Variants in IGSF10 observed in about 807,000 individuals in gnomAD.
The protein encoded by IGSF10 is immunoglobulin superfamily member 10.
Under a neutral mutation model 128.2 loss-of-function variants are expected in IGSF10, and 126 were observed. The observed-to-expected ratio is 0.98, with a 90% CI of 0.85 to 1.14. IGSF10 has a LOEUF of 1.14. IGSF10 is among the 50% of genes most tolerant of loss of function. The pLI, the probability that IGSF10 is intolerant of heterozygous loss-of-function variation, is 0.00. For missense variants in IGSF10, 3,295 were observed against 3,149.8 expected, an observed-to-expected ratio of 1.05 and a Z score of -1.10; for synonymous variants, 1,185 against 1,146.2, an observed-to-expected ratio of 1.03 and a Z score of -0.68.
In IGSF10 at chr3:151,448,290, T is replaced by G. The variant is rs369659044; in HGVS notation, c.1691A>C (p.Tyr564Ser). 6.2e-6 allele frequency: 10 copies of G among 1,614,140 alleles called. No individual in the cohort carries two copies. Among genetic ancestry groups the G allele is most frequent in the Non-Finnish European group, 8.5e-6 (10 of 1,180,050 alleles). Residue 564 changes from tyrosine to serine, a missense_variant, in exon 6 of 8, where the codon TAT becomes TCT. Tyr to Ser is a moderately radical substitution (Grantham distance 144). Transcript: ENST00000282466. Reference sequence around the variant, plus strand: ...CAAAGGTTCTACCACAGTTATCCTATAGGTGAGAATATCTGCATCATCATA... The same window carrying G: ...CAAAGGTTCTACCACAGTTATCCTAGAGGTGAGAATATCTGCATCATCATA... The part of the protein sequence containing the change: ...SNYDDADILT[Y>S]RITVVEPLVE...
chr3:151,607,868 G>A, the IGSF10 span, among the ~76,000 whole-genome samples: 6 of 138,330 alleles, frequency 4.3e-5, no homozygotes, highest in East Asian at 4.3e-4. Flanking sequence ...CTGAGATTGC[G>A]CCACTGCACT....
chr3:151,451,372 A>G (rs889819599), intron 5 of IGSF10, among the ~76,000 whole-genome samples: 7 of 151,976 alleles, frequency 4.6e-5, no homozygotes, highest in African/African-American at 1.5e-4. Flanking sequence ...CTACTTTTTC[A>G]TTATTCACTA....
Position 151,437,718 on chromosome 3 carries a change from G to A in IGSF10, c.6843C>T (p.Leu2281=). The change falls in exon 8 of 8, where the codon CTC becomes CTT. Residue 2281 remains leucine, a synonymous_variant. Transcript: ENST00000282466. The stretch of plus-strand genomic sequence containing the variant: ...TTCTGCTTCCATAGTATGGGGCTGT[G>A]AGGAAAATATTGTCTGGCATGATCC... ...VMWIMPDNIF[L]TAPYYGSRIT... is the part of the protein sequence containing the mutation. 1.2e-6 allele frequency: 2 copies of A among 1,614,116 alleles called. No homozygotes were observed. The highest frequency in any genetic ancestry group is 1.7e-6 in the Non-Finnish European group (2 of 1,180,032).
chr3:151,523,454 T>C, the IGSF10 span, among the ~76,000 whole-genome samples: 10 of 152,108 alleles, frequency 6.6e-5, no homozygotes, highest in Admixed American at 6.6e-4. Flanking sequence ...AGCATAGTAC[T>C]GGTACAAAAA....
chr3:151,497,971 CTCTG>C, the IGSF10 span, among the ~76,000 whole-genome samples: 83 of 151,938 alleles, frequency 5.5e-4, no homozygotes, highest in African/African-American at 1.9e-3. Context: ...TGATTTGGCT[CTCTG>C]TCTGTTATTG....
chr3:151,459,246 G>T (rs572886172), intron 2 of IGSF10, among the ~76,000 whole-genome samples: 1 of 152,190 alleles, frequency 6.6e-6, no homozygotes, highest in South Asian at 2.1e-4. Flanking sequence ...TCTATTGTGT[G>T]TATATGTATA....
At chr3:151,619,903 C>T in the IGSF10 span, among the ~76,000 whole-genome samples, 1 of 152,156 alleles carries the variant, frequency 6.6e-6, no homozygotes, top group Non-Finnish European at 1.5e-5. Flanking sequence ...TAAGTTCCCT[C>T]ACCATGGGAT....
the IGSF10 span, among the ~76,000 whole-genome samples, chr3:151,612,615 T>G: frequency 4.6e-5 from 7 of 152,174 alleles, no homozygotes; most frequent in African/African-American, 1.7e-4. Context: ...TAGCTGATAA[T>G]TCAATTAAAA....
At chr3:151,486,857 C>A in the IGSF10 span, among the ~76,000 whole-genome samples, 5 of 152,170 alleles carry the variant, frequency 3.3e-5, no homozygotes, top group Non-Finnish European at 7.4e-5. Flanking sequence ...AAATTTATAG[C>A]ACTAAATGCC....
chr3:151,503,777 GT>G, the IGSF10 span, among the ~76,000 whole-genome samples: 17 of 152,256 alleles, frequency 1.1e-4, no homozygotes, highest in African/African-American at 4.1e-4. Flanking sequence ...GGAGACTGGA[GT>G]TTTTTAAAGA....
the IGSF10 span, among the ~76,000 whole-genome samples, chr3:151,549,746 G>A: frequency 1.8e-3 from 273 of 152,138 alleles, 1 homozygote; most frequent in African/African-American, 6.2e-3. Context: ...GTAAATATAT[G>A]TACTCAATCT....
the IGSF10 span, among the ~76,000 whole-genome samples, chr3:151,604,919 T>G: frequency 6.6e-6 from 1 of 152,216 alleles, no homozygotes; most frequent in African/African-American, 2.4e-5. Context: ...GTTTTATGTG[T>G]GTTTCTGTTT....
At chr3:151,559,855 G>A in the IGSF10 span, among the ~76,000 whole-genome samples, 9 of 152,104 alleles carry the variant, frequency 5.9e-5, no homozygotes, top group African/African-American at 1.4e-4. Context: ...GTTCTTAGGG[G>A]GTGGAGCAGT....
rs368524359 is a variant in IGSF10 at position 151,448,573 on chromosome 3, G to A, written c.1408C>T (p.His470Tyr). 1.5e-5 allele frequency: 24 copies of A among 1,614,120 alleles called. No individual in the cohort carries two copies. In the African/African-American group the frequency reaches 2.0e-4, roughly 13 times the overall value. Residue 470 changes from histidine (H) to tyrosine (Y), a missense_variant, in exon 6 of 8, where the codon CAC (histidine) becomes TAC (tyrosine). Coordinates refer to ENST00000282466, the MANE Select transcript of IGSF10 (RefSeq NM_178822.5). ...TCCCTTGAAATCATAGTCCATTTGT[G>A]TTTCACTGGCCTCATCTCTGCTCTT... ...LPRAEMRPVKHKWTMISRDNN... is the reference protein window; with the variant it reads ...LPRAEMRPVKYKWTMISRDNN...
At chr3:151,435,757 A>G (rs993390050), downstream of IGSF10, 5 of 152,216 alleles carry the variant, frequency 3.3e-5, no homozygotes, top group African/African-American at 4.8e-5. Flanking sequence ...CATGTAATAT[A>G]AATTCAGTGA....
the IGSF10 span, among the ~76,000 whole-genome samples, chr3:151,472,283 C>T: frequency 6.6e-6 from 1 of 152,134 alleles, no homozygotes; most frequent in Non-Finnish European, 1.5e-5. Context: ...TATATTCTTG[C>T]AATAGTTTGC....
the IGSF10 span, among the ~76,000 whole-genome samples, chr3:151,509,094 G>A: frequency 1.1e-4 from 16 of 152,214 alleles, no homozygotes; most frequent in Admixed American, 7.9e-4. Context: ...GGATGAAAAG[G>A]ACCCTGGAAA....
At chr3:151,478,521 G>A in the IGSF10 span, among the ~76,000 whole-genome samples, 1 of 152,166 alleles carries the variant, frequency 6.6e-6, no homozygotes, top group Non-Finnish European at 1.5e-5. Flanking sequence ...CAGCATACCA[G>A]AGTAACATAT....
chr3:151,551,131 T>C, the IGSF10 span, among the ~76,000 whole-genome samples: 1 of 152,126 alleles, frequency 6.6e-6, no homozygotes, highest in Non-Finnish European at 1.5e-5. Flanking sequence ...CAACCAGAGG[T>C]GAAGAGTGGT....
Sources: gnomAD v4.1 joint callset for allele counts (sites outside exome capture counted in the v4.1 genomes callset) on GRCh38, gnomAD v4.1.1 for gene constraint, MANE v1.5 for transcripts, NCBI Gene and HGNC (gene_info 2026-07-23, HGNC 2026-07-21) for gene names.